MGAT5: variants seen among roughly 807,000 people sequenced by gnomAD.
The protein encoded by MGAT5 is alpha-1,6-mannosylglycoprotein 6-beta-N-acetylglucosaminyltransferase A.
In MGAT5, 30 loss-of-function variants were observed where a neutral mutation model predicts 94.3. That is an observed-to-expected ratio of 0.32 (90% CI 0.24 to 0.43). The LOEUF (loss-of-function observed/expected upper bound fraction) is 0.43, where lower values mean the gene tolerates loss of function less well. MGAT5 is among the 20% of genes least tolerant of loss of function. The pLI, the probability that MGAT5 is intolerant of heterozygous loss-of-function variation, is 1.00. For synonymous variants in MGAT5, 310 were observed against 322.9 expected, an observed-to-expected ratio of 0.96 and a Z score of 0.43; for missense variants, 691 against 905.5, an observed-to-expected ratio of 0.76 and a Z score of 3.04.
intron 11 of MGAT5, among the ~76,000 whole-genome samples, chr2:134,405,012 G>T (rs1359328957): frequency 6.6e-6 from 1 of 152,224 alleles, no homozygotes; most frequent in African/African-American, 2.4e-5. Context: ...GGCAGAGCTG[G>T]TTTTCAGCAG....
At chr2:134,374,269 C>G (rs1047788463) in intron 10 of MGAT5, among the ~76,000 whole-genome samples, 1 of 152,042 alleles carries the variant, frequency 6.6e-6, no homozygotes, top group Non-Finnish European at 1.5e-5. Flanking sequence ...TGGATTTGCA[C>G]CTGGGGGCTT....
At chr2:134,220,518 C>G (rs1326825004) in intron 1 of MGAT5, among the ~76,000 whole-genome samples, 4 of 152,208 alleles carry the variant, frequency 2.6e-5, no homozygotes, top group Admixed American at 2.6e-4. Context: ...AGGCTTCAGT[C>G]TGTAATTAAG....
chr2:134,181,352 G>A (rs772960423), intron 1 of MGAT5, among the ~76,000 whole-genome samples: 9 of 152,162 alleles, frequency 5.9e-5, no homozygotes, highest in Non-Finnish European at 8.8e-5. Context: ...CATGTAAACC[G>A]GAAGGGCTTA....
intron 1 of MGAT5, among the ~76,000 whole-genome samples, chr2:134,129,746 T>G (rs796142230): frequency 8.5e-5 from 13 of 152,188 alleles, no homozygotes; most frequent in African/African-American, 3.1e-4. Flanking sequence ...TGTTCTGGCT[T>G]ATGTAATTGT....
chr2:134,312,973 C>G lies in MGAT5; in HGVS notation c.407-4556C>G, dbSNP rs146624125. 8.3e-3 allele frequency among the ~76,000 whole-genome samples: 1,262 copies of G among 151,848 alleles called. 10 individuals are homozygous for G. The highest frequency in any genetic ancestry group is 9.6e-3 in the Non-Finnish European group (654 of 67,970). ...CGTTCCTTTGAGACCGCCGTACCAA[C>G]TTCTCCTGCCCTGACTCTCCCCTTT... is the stretch of plus-strand genomic sequence containing the variant. On this transcript the variant is annotated intron_variant, in intron 2 of 15. Coordinates refer to ENST00000281923, the MANE Select transcript of MGAT5 (RefSeq NM_002410.5).
At chr2:134,363,864 T>C (rs772741576) in intron 10 of MGAT5, among the ~76,000 whole-genome samples, 28 of 152,240 alleles carry the variant, frequency 1.8e-4, no homozygotes, top group Non-Finnish European at 1.6e-4. Context: ...ATTTTCCAGC[T>C]GACTTTCAGC....
chr2:134,273,959 C>G (rs1441812010), intron 2 of MGAT5, among the ~76,000 whole-genome samples: 2 of 152,134 alleles, frequency 1.3e-5, no homozygotes, highest in East Asian at 3.9e-4. Flanking sequence ...GCTTGAAGGG[C>G]CTTCGTCAAA....
At chr2:134,384,065 A>G (rs929942496) in intron 10 of MGAT5, among the ~76,000 whole-genome samples, 1 of 152,092 alleles carries the variant, frequency 6.6e-6, no homozygotes. Context: ...TGTAATTCAC[A>G]TTTCAATGTC....
At chr2:134,273,389 TTCTC>T (rs1287632838) in intron 2 of MGAT5, among the ~76,000 whole-genome samples, 1 of 152,218 alleles carries the variant, frequency 6.6e-6, no homozygotes, top group Non-Finnish European at 1.5e-5. Context: ...AGTAAAGTTT[TTCTC>T]TCTCCCTTCC....
At chr2:134,409,462 C>G (rs536690196) in intron 11 of MGAT5, among the ~76,000 whole-genome samples, 1 of 152,352 alleles carries the variant, frequency 6.6e-6, no homozygotes, top group East Asian at 1.9e-4. Flanking sequence ...CCTAATCTGT[C>G]TCCAGAACCT....
At chr2:134,175,566 T>C (rs1688421694) in intron 1 of MGAT5, among the ~76,000 whole-genome samples, 1 of 152,098 alleles carries the variant, frequency 6.6e-6, no homozygotes, top group African/African-American at 2.4e-5. Flanking sequence ...GAGCCATGAG[T>C]GTGTGAGAGA....
chr2:134,189,364 G>A (rs1189711770), intron 1 of MGAT5, among the ~76,000 whole-genome samples: 1 of 152,040 alleles, frequency 6.6e-6, no homozygotes, highest in African/African-American at 2.4e-5. Flanking sequence ...GGTAGTCCAA[G>A]GATTTTGAAC....
At chr2:134,407,824 T>G (rs111536953) in intron 11 of MGAT5, among the ~76,000 whole-genome samples, 1,996 of 151,610 alleles carry the variant, frequency 0.013, 48 homozygotes, top group African/African-American at 0.045. Context: ...AGTTCAGTTG[T>G]GTAAAATGTG....
chr2:134,177,882 C>T (rs547535872), intron 1 of MGAT5, among the ~76,000 whole-genome samples: 242 of 152,060 alleles, frequency 1.6e-3, no homozygotes, highest in African/African-American at 5.5e-3. Flanking sequence ...GAGTAGTGCT[C>T]GGTTCTCAAA....
In MGAT5 at chr2:134,262,181, C is replaced by T. The variant is rs553993064; in HGVS notation, c.241+7537C>T. On this transcript the variant is annotated intron_variant, in intron 1 of 15. Transcript: ENST00000281923. ...TTACAAATGACAAAGTTTATTAAGG[C>T]ACTTAGATTAATTTAGATTATTCTT... is the stretch of plus-strand genomic sequence containing the variant. 3.9e-5 allele frequency among the ~76,000 whole-genome samples: 6 copies of T among 152,240 alleles called. No homozygotes were observed. The South Asian group carries it at 8.3e-4, about 21-fold the overall frequency.
chr2:134,305,410 T>C (rs950444637), intron 2 of MGAT5, among the ~76,000 whole-genome samples: 3 of 152,180 alleles, frequency 2.0e-5, no homozygotes, highest in African/African-American at 7.2e-5. Flanking sequence ...TTGTGTGATA[T>C]GAAGAGCACA....
chr2:134,152,286 T>C (rs574187450), intron 1 of MGAT5, among the ~76,000 whole-genome samples: 1 of 126,764 alleles, frequency 7.9e-6, no homozygotes, highest in South Asian at 2.7e-4. Flanking sequence ...CTATGGGACC[T>C]GCTTACCACC....
chr2:134,235,125 A>G (rs1051968457), intron 1 of MGAT5, among the ~76,000 whole-genome samples: 1 of 152,134 alleles, frequency 6.6e-6, no homozygotes, highest in Non-Finnish European at 1.5e-5. Flanking sequence ...TCTGGTGGTT[A>G]GAGCTGAGAA....
chr2:134,414,373 C>T (rs1683850220), intron 12 of MGAT5, among the ~76,000 whole-genome samples: 1 of 152,124 alleles, frequency 6.6e-6, no homozygotes, highest in African/African-American at 2.4e-5. Context: ...AAAGATGCTG[C>T]CCAGCAGTGA....
Sources: allele counts gnomAD v4.1 joint callset (sites outside exome capture counted in the v4.1 genomes callset), GRCh38; gene constraint gnomAD v4.1.1; transcripts MANE v1.5; gene names NCBI Gene and HGNC (gene_info 2026-07-23, HGNC 2026-07-21).